LMAN2L: variants seen among roughly 807,000 people sequenced by gnomAD.
LMAN2L encodes the protein lectin, mannose binding 2 like.
Under a neutral mutation model 44.3 loss-of-function variants are expected in LMAN2L, and 30 were observed. The ratio of observed to expected loss-of-function variants is 0.68; its 90% CI spans 0.51 to 0.92. The LOEUF is 0.92. LMAN2L is among the 40% of genes least tolerant of loss of function. The pLI is 0.00. For synonymous variants in LMAN2L, 183 were observed against 171.1 expected (o/e 1.07, Z -0.54); for missense variants, 429 against 446.1 (o/e 0.96, Z 0.35).
intron 4 of LMAN2L, among the ~76,000 whole-genome samples, chr2:96,715,875 C>T (rs1482524977): frequency 6.6e-6 from 1 of 152,172 alleles, no homozygotes; most frequent in Non-Finnish European, 1.5e-5. Context: ...CGGTGGATTA[C>T]ATCACCTCTT....
In LMAN2L at chr2:96,711,657, T is replaced by C. The variant is rs758324392; in HGVS notation, c.783A>G (p.Ser261=). 1 of 1,607,418 alleles carries C rather than the reference T, an allele frequency of 6.2e-7. No homozygotes were observed. The highest frequency in any genetic ancestry group is 1.1e-5 in the South Asian group (1 of 90,934). Residue 261 remains serine, a splice_region_variant and synonymous_variant, in exon 6 of 8, where the codon TCA becomes TCG. Coordinates refer to ENST00000264963, the MANE Select transcript of LMAN2L (RefSeq NM_030805.4). ...AACCAAGAGTGCGCGTGGCAGTACC[T>C]GAGAGATCCCCAGTGATGGAGGAGG... ...FGTSSITGDL[S]DNHDVISLKL...
intron 4 of LMAN2L, among the ~76,000 whole-genome samples, chr2:96,717,241 A>T (rs1157920052): frequency 6.6e-6 from 1 of 152,018 alleles, no homozygotes; most frequent in South Asian, 2.1e-4. Context: ...ACAAAGAAAG[A>T]GGTTAAAGAA....
chr2:96,736,022 T>C (rs748405497), intron 2 of LMAN2L, among the ~76,000 whole-genome samples: 9 of 151,936 alleles, frequency 5.9e-5, no homozygotes, highest in Non-Finnish European at 8.8e-5. Flanking sequence ...TTCAAAAAAA[T>C]AGCTTTCAGA....
intron 1 of LMAN2L, among the ~76,000 whole-genome samples, chr2:96,738,479 G>T (rs369071624): frequency 5.9e-5 from 9 of 152,156 alleles, no homozygotes; most frequent in African/African-American, 2.2e-4. Flanking sequence ...AGCAATTTGA[G>T]ACCAGCCTGG....
At chr2:96,713,976 C>T (rs1363064432) in intron 4 of LMAN2L, among the ~76,000 whole-genome samples, 4 of 152,198 alleles carry the variant, frequency 2.6e-5, no homozygotes. Flanking sequence ...CCCTTCACTC[C>T]TTTAATACGG....
At position 96,735,530 on chromosome 2, in the gene LMAN2L, G is replaced by C. The variant is rs1466717923; in HGVS notation, c.307-1004C>G. ...TGTCACTCTGGATTCTTATCTCTCT[G>C]CTGTTTCATTACGATTTCAGAGAAA... On this transcript the variant is annotated intron_variant, in intron 2 of 7. Transcript: ENST00000264963. Among the ~76,000 whole-genome samples the C allele has an allele frequency of 3.9e-5, 6 of 152,170 alleles. No individual in the cohort carries two copies. In the East Asian group the frequency reaches 7.7e-4, roughly 20 times the overall value.
At chr2:96,732,883 G>A (rs1004722317) in intron 4 of LMAN2L, among the ~76,000 whole-genome samples, 9 of 151,158 alleles carry the variant, frequency 6.0e-5, no homozygotes, top group Non-Finnish European at 1.2e-4. Flanking sequence ...CGAGTAGGTG[G>A]GATTACAGGC....
chr2:96,721,728 C>T (rs1185735519), intron 4 of LMAN2L, among the ~76,000 whole-genome samples: 2 of 152,154 alleles, frequency 1.3e-5, no homozygotes, highest in Non-Finnish European at 2.9e-5. Flanking sequence ...AATCCTTCCA[C>T]CTTGGCCTCC....
chr2:96,718,884 C>T (rs980269441), intron 4 of LMAN2L, among the ~76,000 whole-genome samples: 1 of 152,208 alleles, frequency 6.6e-6, no homozygotes, highest in Non-Finnish European at 1.5e-5. Context: ...AGTGGCACTT[C>T]CAGGTCTGGA....
At chr2:96,730,554 A>G (rs1032159686) in intron 4 of LMAN2L, among the ~76,000 whole-genome samples, 1 of 152,188 alleles carries the variant, frequency 6.6e-6, no homozygotes, top group African/African-American at 2.4e-5. Flanking sequence ...AATATTGTAG[A>G]ATGCAAGGTG....
chr2:96,710,082 T>G (rs984220146), intron 6 of LMAN2L, among the ~76,000 whole-genome samples: 7 of 152,218 alleles, frequency 4.6e-5, no homozygotes, highest in African/African-American at 1.7e-4. Context: ...TCTGGCCTGC[T>G]CGGTACTTAG....
At chr2:96,738,804 G>A (rs2153338296) in intron 1 of LMAN2L, among the ~76,000 whole-genome samples, 1 of 151,580 alleles carries the variant, frequency 6.6e-6, no homozygotes, top group East Asian at 1.9e-4. Flanking sequence ...GCAGTGGCAT[G>A]ACCTCGGCTC....
At position 96,740,028 on chromosome 2, in the gene LMAN2L, G is replaced by C. The variant is rs1370476712; in HGVS notation, c.13C>G (p.Leu5Val). 1.2e-6 allele frequency: 2 copies of C among 1,607,854 alleles called. No individual in the cohort carries two copies. Among genetic ancestry groups the C allele is most frequent in the Non-Finnish European group, 1.7e-6 (2 of 1,177,014 alleles). The change falls in exon 1 of 8, where the codon CTG becomes GTG. Residue 5 changes from leucine (L) to valine (V), a missense_variant. Physicochemically the swap from Leu to Val is conservative, Grantham distance 32. Coordinates refer to ENST00000264963, the MANE Select transcript of LMAN2L (RefSeq NM_030805.4). ...TGCTGCCACGACCCAAGGGGTCCCAGAGTCGCCGCCATCTTTCCCACCAAC... is the reference window on the plus strand; with the variant it reads ...TGCTGCCACGACCCAAGGGGTCCCACAGTCGCCGCCATCTTTCCCACCAAC... Reference protein sequence around the residue: MAATLGPLGSWQQWR... With the variant: MAATVGPLGSWQQWR...
At position 96,734,538 on chromosome 2, in the gene LMAN2L, A is replaced by G. The variant is rs771710041; in HGVS notation, c.307-12T>C. 1.3e-6 allele frequency: 2 copies of G among 1,502,480 alleles called. No homozygotes were observed. The highest frequency in any genetic ancestry group is 1.9e-6 in the Non-Finnish European group (2 of 1,078,070). The allele number at this position is 1,502,480 out of a possible 1,614,324, so 93.1% of individuals were successfully genotyped here. ...CTCAGGAAACATGGCTAAAGTGAGAAAGACATTAGAATCAATGAGGAGCAT... is the reference window on the plus strand; with the variant it reads ...CTCAGGAAACATGGCTAAAGTGAGAGAGACATTAGAATCAATGAGGAGCAT... On this transcript the variant is annotated splice_polypyrimidine_tract_variant and intron_variant, in intron 2 of 7. Transcript: ENST00000264963.
chr2:96,711,603 G>T, intron 6 of LMAN2L, 53 bp downstream of exon 6: 1 of 1,160,992 alleles, frequency 8.6e-7, no homozygotes, highest in Non-Finnish European at 1.3e-6. Flanking sequence ...ATGAAGTGTG[G>T]GTATTGAGAA....
At chr2:96,713,208 G>A in intron 4 of LMAN2L, 1 of 1,353,436 alleles carries the variant, frequency 7.4e-7, no homozygotes. Flanking sequence ...AAGTCAGAAA[G>A]ACACAGCCAC....
chr2:96,720,457 T>C (rs1488336456), intron 4 of LMAN2L, among the ~76,000 whole-genome samples: 4 of 152,086 alleles, frequency 2.6e-5, no homozygotes, highest in African/African-American at 7.2e-5. Context: ...TAGTGCAAGA[T>C]AATCAGGTTA....
At chr2:96,726,989 CAGG>C (rs2078285384) in intron 4 of LMAN2L, among the ~76,000 whole-genome samples, 1 of 151,820 alleles carries the variant, frequency 6.6e-6, no homozygotes, top group East Asian at 1.9e-4. Context: ...GAGGCTGAGG[CAGG>C]AGAATTGCTT....
chr2:96,717,202 G>A (rs192401120), intron 4 of LMAN2L, among the ~76,000 whole-genome samples: 5 of 151,704 alleles, frequency 3.3e-5, no homozygotes, highest in East Asian at 1.9e-4. Context: ...AAACATACAC[G>A]CAAGACACAT....
Sources: gnomAD v4.1 joint callset for allele counts (sites outside exome capture counted in the v4.1 genomes callset) on GRCh38, gnomAD v4.1.1 for gene constraint, MANE v1.5 for transcripts, NCBI Gene and HGNC (gene_info 2026-07-23, HGNC 2026-07-21) for gene names.